UVSSA: variants seen among roughly 807,000 people sequenced by gnomAD.
UVSSA encodes UV stimulated scaffold protein A, also known as UV-stimulated scaffold protein A.
Under a neutral mutation model 73.9 loss-of-function variants are expected in UVSSA, and 72 were observed. That is an observed-to-expected ratio of 0.97 (90% CI 0.81 to 1.19). The LOEUF is 1.19. UVSSA is among the 50% of genes most tolerant of loss of function. The pLI, the probability that UVSSA is intolerant of heterozygous loss-of-function variation, is 0.00. For missense variants in UVSSA, 1,150 were observed against 965.0 expected (o/e 1.19, Z -2.54); for synonymous variants, 454 against 391.3 (o/e 1.16, Z -1.89).
intron 8 of UVSSA, among the ~76,000 whole-genome samples, chr4:1,373,325 G>C (rs1334904147): frequency 6.6e-6 from 1 of 152,144 alleles, no homozygotes; most frequent in Admixed American, 6.5e-5. Context: ...ATCCAGCACG[G>C]GAGAATAGAT....
chr4:1,357,794 C>T (rs1216293007), intron 7 of UVSSA, among the ~76,000 whole-genome samples: 2 of 152,242 alleles, frequency 1.3e-5, no homozygotes, highest in African/African-American at 4.8e-5. Context: ...TGGCCGTGCC[C>T]TTCTGGAGGC....
exon 14 of UVSSA, chr4:1,393,602 ATAG>A (rs1720456278): frequency 6.6e-6 from 1 of 152,026 alleles, no homozygotes; most frequent in African/African-American, 2.4e-5. Context: ...AGATAGATAG[ATAG>A]ATAGATAGAT....
At chr4:1,383,300 A>G (rs976667032) in intron 12 of UVSSA, among the ~76,000 whole-genome samples, 1 of 151,946 alleles carries the variant, frequency 6.6e-6, no homozygotes, top group African/African-American at 2.4e-5. Context: ...TGCCACACGT[A>G]CCTCCCCACC....
chr4:1,359,201 C>T (rs1264092480), intron 7 of UVSSA: 4 of 152,056 alleles, frequency 2.6e-5, no homozygotes, highest in Non-Finnish European at 4.4e-5. Flanking sequence ...ACAGATGTTC[C>T]GTCTTCAGAA....
intron 8 of UVSSA, among the ~76,000 whole-genome samples, chr4:1,368,517 C>T (rs1047993907): frequency 6.6e-6 from 1 of 152,256 alleles, no homozygotes; most frequent in African/African-American, 2.4e-5. Context: ...CCAGGCCTGG[C>T]CATCCCCTCC....
intron 6 of UVSSA, 91 bp downstream of exon 6, chr4:1,354,938 G>C (rs1368528975): frequency 2.6e-6 from 4 of 1,537,260 alleles, no homozygotes; most frequent in Admixed American, 1.9e-5. Context: ...ACTGTGGCCC[G>C]GTGACTGAAT....
At position 1,349,754 on chromosome 4, in the gene UVSSA, G is replaced by C. The variant is rs975437739; in HGVS notation, c.329G>C (p.Arg110Thr). Residue 110 changes from arginine to threonine, a missense_variant, in exon 3 of 14, where the codon AGG becomes ACG. By Grantham distance (71) the Arg-to-Thr change is moderately conservative. Transcript: ENST00000389851. ...CCCAGGGAGGCGGCACAGAGGCTGA[G>C]GCAGGCGACCACCCGGGCCGTGGAA... ...PPPREAAQRL[R>T]QATTRAVEGW... 5 of 1,611,190 alleles carry C rather than the reference G, an allele frequency of 3.1e-6. No individual in the cohort carries two copies. In the African/African-American group the frequency reaches 6.7e-5, roughly 22 times the overall value.
intron 3 of UVSSA, 34 bp from the exon 4 acceptor site, chr4:1,351,681 G>C (rs370888278): frequency 1.2e-6 from 2 of 1,607,842 alleles, no homozygotes; most frequent in South Asian, 1.1e-5. Context: ...GAGCCACCGC[G>C]CCTGTCCCCT....
At chr4:1,344,910 G>A (rs1713562539), upstream of UVSSA, among the ~76,000 whole-genome samples, 1 of 152,198 alleles carries the variant, frequency 6.6e-6, no homozygotes, top group Non-Finnish European at 1.5e-5. Flanking sequence ...ACTGGCAGAA[G>A]CTTCCCGGCA....
intron 8 of UVSSA, among the ~76,000 whole-genome samples, chr4:1,372,478 T>C (rs1359730583): frequency 1.3e-5 from 2 of 152,170 alleles, no homozygotes; most frequent in Admixed American, 1.3e-4. Context: ...TTTACACACA[T>C]ATGTGTTTCT....
intron 3 of UVSSA, among the ~76,000 whole-genome samples, 170 bp from the exon 4 acceptor site, chr4:1,351,545 C>T (rs1415618577): frequency 1.3e-5 from 2 of 151,664 alleles, no homozygotes; most frequent in Non-Finnish European, 1.5e-5. Context: ...GCCACCTCGC[C>T]TGGCTAATTT....
At chr4:1,385,786 C>T in intron 13 of UVSSA, 82 bp from the exon 14 acceptor site, 1 of 1,473,694 alleles carries the variant, frequency 6.8e-7, no homozygotes, top group Admixed American at 1.7e-5. Context: ...GGACCAGTGC[C>T]TAACTTTGGT....
intron 8 of UVSSA, 127 bp from the exon 9 acceptor site, chr4:1,375,237 C>G (rs73793392): frequency 0.071 from 104,035 of 1,465,156 alleles, 10,289 homozygotes; most frequent in East Asian, 0.41. Flanking sequence ...ATAGCAGGCA[C>G]CCACCTCGGG....
rs1458191977 is a variant in UVSSA, at chr4:1,372,787, G to A, written c.1289-2577G>A. On this transcript the variant is annotated intron_variant, in intron 8 of 13. Transcript: ENST00000389851. Reference sequence around the variant, plus strand: ...CCGCGTCTCAGGGCACTCACCTCCCGCGTCCCTGCACTCACCTCCCGCGTC... The same window carrying A: ...CCGCGTCTCAGGGCACTCACCTCCCACGTCCCTGCACTCACCTCCCGCGTC... Among the ~76,000 whole-genome samples the A allele has an allele frequency of 2.9e-3, 172 of 58,976 alleles. 13 individuals carry two copies. Among genetic ancestry groups the A allele is most frequent in the African/African-American group, 8.6e-3 (156 of 18,214 alleles). 38.7% of individuals were successfully genotyped at this position (58,976 alleles called of 152,430 possible). A position where few individuals can be genotyped will look rare whatever the true frequency, so the allele number is the denominator to read the frequency against.
upstream of UVSSA, among the ~76,000 whole-genome samples, chr4:1,346,650 G>A (rs1190165929): frequency 3.3e-5 from 5 of 152,088 alleles, no homozygotes; most frequent in East Asian, 9.6e-4. Flanking sequence ...GGTTCAGGGC[G>A]CCCTGCGCGG....
intron 7 of UVSSA, among the ~76,000 whole-genome samples, chr4:1,359,877 C>G (rs1213232473): frequency 6.6e-6 from 1 of 152,216 alleles, no homozygotes; most frequent in Non-Finnish European, 1.5e-5. Flanking sequence ...GGGACCCTGT[C>G]AGCCCCTGGG....
chr4:1,383,667 C>T (rs1158016075), intron 12 of UVSSA, 99 bp from the exon 13 acceptor site: 1 of 1,484,604 alleles, frequency 6.7e-7, no homozygotes, highest in Non-Finnish European at 9.2e-7. Flanking sequence ...GACCCAGCCC[C>T]CCTGTCAGGA....
At chr4:1,354,922 G>T (rs1041311509) in intron 6 of UVSSA, 75 bp downstream of exon 6, 11 of 1,526,966 alleles carry the variant, frequency 7.2e-6, no homozygotes, top group Non-Finnish European at 9.8e-6. Context: ...TCCCTTTCTT[G>T]GGGGGACTGT....
At chr4:1,394,138 C>T in exon 14 of UVSSA, 1 of 380,370 alleles carries the variant, frequency 2.6e-6, no homozygotes, top group Non-Finnish European at 4.9e-6. Flanking sequence ...AGGTGAGGGC[C>T]AGGGCAGCTC....
Sources: gnomAD v4.1 joint callset for allele counts (sites outside exome capture counted in the v4.1 genomes callset) on GRCh38, gnomAD v4.1.1 for gene constraint, MANE v1.5 for transcripts, NCBI Gene and HGNC (gene_info 2026-07-23, HGNC 2026-07-21) for gene names.